USP37: variants seen among roughly 807,000 people sequenced by gnomAD.
USP37 encodes ubiquitin specific peptidase 37.
USP37 carries 27 observed loss-of-function variants against 124.0 expected under a neutral mutation model. The ratio of observed to expected loss-of-function variants is 0.22; its 90% confidence interval spans 0.16 to 0.30. The LOEUF (loss-of-function observed/expected upper bound fraction) is 0.30. USP37 is among the 10% of genes least tolerant of loss of function. The pLI, the probability that USP37 is intolerant of heterozygous loss-of-function variation, is 1.00. For missense variants in USP37, 889 were observed against 1,140.4 expected, an observed-to-expected ratio of 0.78 and a Z score of 3.17; for synonymous variants, 365 against 388.0, an observed-to-expected ratio of 0.94 and a Z score of 0.70.
chr2:218,474,755 C>G lies in USP37; in HGVS notation c.2174G>C (p.Ser725Thr). ...AGTTGGCTTATCATCATCTTCATGA[C>G]TCAGAGATGGTGAAGCATCTCTCTT... ...ISKRDASPSLSHEDDDKPTSS... is the reference protein window; with the variant it reads ...ISKRDASPSLTHEDDDKPTSS... Residue 725 changes from serine to threonine, a missense_variant, in exon 20 of 26, where the codon AGT becomes ACT. Physicochemically the swap from Ser to Thr is moderately conservative, Grantham distance 58. Around this residue, in one of 3 missense-constraint regions of USP37, gnomAD observed 504 missense variants for 714.3 expected, o/e 0.71. Coordinates refer to ENST00000258399, the MANE Select transcript of USP37 (RefSeq NM_020935.3). 6.2e-7 allele frequency: 1 copy of G among 1,614,146 alleles called. No homozygotes were observed. The highest frequency in any genetic ancestry group is 8.5e-7 in the Non-Finnish European group (1 of 1,180,030).
At chr2:218,513,967 G>A (rs1378746746) in intron 10 of USP37, among the ~76,000 whole-genome samples, 3 of 151,238 alleles carry the variant, frequency 2.0e-5, no homozygotes, top group Admixed American at 1.3e-4. Flanking sequence ...ACATCACCAC[G>A]CCCTGCTAAT....
intron 1 of USP37, among the ~76,000 whole-genome samples, chr2:218,564,332 T>C (rs539997444): frequency 1.9e-4 from 29 of 152,222 alleles, no homozygotes; most frequent in Non-Finnish European, 3.7e-4. Context: ...ATTTTTAAAA[T>C]AATCCTAAGT....
chr2:218,481,090 T>C (rs1330685626), intron 17 of USP37, among the ~76,000 whole-genome samples: 1 of 152,210 alleles, frequency 6.6e-6, no homozygotes, highest in Non-Finnish European at 1.5e-5. Context: ...CAAACTAGTG[T>C]TCAAGTATAG....
chr2:218,480,398 C>CAAAAAAAAA (rs397868988), intron 17 of USP37, among the ~76,000 whole-genome samples: 1 of 48,826 alleles, frequency 2.0e-5, no homozygotes, highest in Admixed American at 3.0e-4. Flanking sequence ...GACTCCGTCT[C>CAAAAAAAAA]AAAAAAAAAA....
chr2:218,494,837 T>C (rs760018253), intron 14 of USP37, among the ~76,000 whole-genome samples: 8 of 152,184 alleles, frequency 5.3e-5, no homozygotes, highest in Non-Finnish European at 8.8e-5. Flanking sequence ...GTCTGGATAA[T>C]TACTGTAAAT....
chr2:218,481,999 T>G, intron 17 of USP37, 71 bp downstream of exon 17: 2 of 1,465,910 alleles, frequency 1.4e-6, no homozygotes, highest in South Asian at 1.5e-5. Context: ...ATTCAGTCAT[T>G]CTTTTGATTA....
At chr2:218,547,382 T>C (rs1284652620) in intron 6 of USP37, among the ~76,000 whole-genome samples, 1 of 148,104 alleles carries the variant, frequency 6.8e-6, no homozygotes, top group Non-Finnish European at 1.5e-5. Context: ...TCTATTCTAG[T>C]TGATCTGCGG....
At chr2:218,460,326 C>T (rs749818346) in intron 22 of USP37, among the ~76,000 whole-genome samples, 13 of 151,572 alleles carry the variant, frequency 8.6e-5, no homozygotes, top group Non-Finnish European at 1.8e-4. Flanking sequence ...GTTTGAGGTA[C>T]ACATTTTATC....
chr2:218,540,267 G>A (rs1371094301), intron 8 of USP37, among the ~76,000 whole-genome samples: 1 of 152,152 alleles, frequency 6.6e-6, no homozygotes, highest in African/African-American at 2.4e-5. Context: ...ACGAAGGAAT[G>A]ATTCACATCC....
intron 11 of USP37, 84 bp downstream of exon 11, chr2:218,509,895 C>T (rs918030286): frequency 4.0e-6 from 5 of 1,265,494 alleles, no homozygotes; most frequent in South Asian, 2.5e-5. Flanking sequence ...TTTAATGTGA[C>T]TCCTTTAATT....
At chr2:218,455,510 GAA>G (rs55939134) in intron 25 of USP37, 68 bp downstream of exon 25, 179,718 of 1,288,876 alleles carry the variant, frequency 0.14, 5,539 homozygotes, top group African/African-American at 0.47. Context: ...ATCCTCAAAG[GAA>G]AAAAAAAAAA....
intron 16 of USP37, among the ~76,000 whole-genome samples, chr2:218,484,053 G>C (rs1423331903): frequency 6.6e-6 from 1 of 152,068 alleles, no homozygotes; most frequent in East Asian, 1.9e-4. Flanking sequence ...CAGCTACTCA[G>C]GAGGCTGAGG....
intron 3 of USP37, among the ~76,000 whole-genome samples, chr2:218,560,000 A>C (rs35898356): frequency 0.06 from 9,126 of 152,132 alleles, 420 homozygotes; most frequent in African/African-American, 0.12. Context: ...AACAAACAAA[A>C]AAAAAACACA....
rs368087720 is a variant in USP37, at chr2:218,549,926, T to A, written c.329-17A>T. 6.4e-7 allele frequency: 1 copy of A among 1,567,276 alleles called. No individual in the cohort carries two copies. The highest frequency in any genetic ancestry group is 8.6e-7 in the Non-Finnish European group (1 of 1,158,992). On this transcript the variant is annotated splice_polypyrimidine_tract_variant and intron_variant, in intron 5 of 25. Coordinates refer to ENST00000258399, the MANE Select transcript of USP37 (RefSeq NM_020935.3). ...GTTTCATGGCTGGTGACCAAAAATA[T>A]AATTTTTTTTAAAATCCCCAAATCA...
At chr2:218,501,665 C>G (rs1194128464) in intron 11 of USP37, among the ~76,000 whole-genome samples, 5 of 152,176 alleles carry the variant, frequency 3.3e-5, no homozygotes, top group Admixed American at 6.5e-5. Flanking sequence ...AGCACCCAAA[C>G]AGAGCCTAGA....
Position 218,515,977 on chromosome 2 carries a change from C to G in USP37, c.864-5837G>C, listed in dbSNP as rs557132664. On this transcript the variant is annotated intron_variant, in intron 10 of 25. Coordinates refer to ENST00000258399, the MANE Select transcript of USP37 (RefSeq NM_020935.3). ...GGTCATTAGAGAATGCAAATCAAAA[C>G]CACAATGAGATACCATCTCATGCCA... Among the ~76,000 whole-genome samples, 4 of 152,146 alleles carry G rather than the reference C, an allele frequency of 2.6e-5. No homozygotes were observed. The East Asian group carries it at 7.7e-4, about 29-fold the overall frequency.
intron 8 of USP37, among the ~76,000 whole-genome samples, chr2:218,544,430 T>TATATAGAGAGAGAGAGAG (rs377397246): frequency 3.5e-4 from 18 of 50,806 alleles, no homozygotes; most frequent in African/African-American, 9.3e-4. Flanking sequence ...TATATATATA[T>TATATAGAGAGAGAGAGAG]AGAGAGAGAG....
In USP37 at chr2:218,476,990, T is replaced by C; in HGVS notation, c.1902-9A>G. 1 of 1,474,568 alleles carries C rather than the reference T, an allele frequency of 6.8e-7. No individual in the cohort carries two copies. The highest frequency in any genetic ancestry group is 9.0e-7 in the Non-Finnish European group (1 of 1,112,948). 91.3% of individuals were successfully genotyped at this position (1,474,568 alleles called of 1,614,324 possible). On this transcript the variant is annotated splice_polypyrimidine_tract_variant and intron_variant, in intron 18 of 25. Coordinates refer to ENST00000258399, the MANE Select transcript of USP37 (RefSeq NM_020935.3). ...ATTTGAAGGTGAATTTCCTGTAATT[T>C]AAGGAAAAAAAAAAAAGCCTGATAA...
chr2:218,559,895 A>G (rs952185841), intron 3 of USP37, among the ~76,000 whole-genome samples: 12 of 152,014 alleles, frequency 7.9e-5, no homozygotes, highest in Admixed American at 6.6e-4. Flanking sequence ...TGGGAGGATC[A>G]CCTGAGCCAG....
Sources: allele counts gnomAD v4.1 joint callset (sites outside exome capture counted in the v4.1 genomes callset), GRCh38; gene constraint gnomAD v4.1.1; regional missense constraint gnomAD v4.1.1; transcripts MANE v1.5; gene names NCBI Gene and HGNC (gene_info 2026-07-23, HGNC 2026-07-21).